Variants in TENM4 observed in about 807,000 individuals in gnomAD.
The protein encoded by TENM4 is teneurin transmembrane protein 4, also known as teneurin-4.
TENM4 carries 82 observed loss-of-function variants against 243.3 expected under a neutral mutation model. The observed-to-expected ratio is 0.34, with a 90% CI of 0.28 to 0.40. TENM4 has a LOEUF of 0.40. TENM4 is among the 10% of genes least tolerant of loss of function. The pLI, the probability that TENM4 is intolerant of heterozygous loss-of-function variation, is 1.00. For missense variants in TENM4, 3,138 were observed against 3,673.3 expected, an observed-to-expected ratio of 0.85 and a Z score of 3.77; for synonymous variants, 1,412 against 1,456.3, an observed-to-expected ratio of 0.97 and a Z score of 0.69.
intron 6 of TENM4, among the ~76,000 whole-genome samples, chr11:79,001,052 G>A (rs1441077382): frequency 6.6e-6 from 1 of 152,100 alleles, no homozygotes; most frequent in Admixed American, 6.6e-5. Flanking sequence ...AGTAGCAAAT[G>A]TAAATCCAAT....
intron 12 of TENM4, among the ~76,000 whole-genome samples, chr11:78,832,882 TC>T (rs767764117): frequency 2.6e-5 from 4 of 152,194 alleles, no homozygotes; most frequent in Non-Finnish European, 4.4e-5. Flanking sequence ...CACCACAGTA[TC>T]CTTAACTCGG....
At chr11:78,908,324 T>C (rs56995724) in intron 6 of TENM4, among the ~76,000 whole-genome samples, 5,087 of 152,328 alleles carry the variant, frequency 0.033, 247 homozygotes, top group African/African-American at 0.1. Context: ...AGGATTGTTA[T>C]GAGAATTAAA....
intron 3 of TENM4, among the ~76,000 whole-genome samples, chr11:79,178,629 C>A (rs555221316): frequency 1.3e-5 from 2 of 152,316 alleles, no homozygotes; most frequent in Non-Finnish European, 2.9e-5. Flanking sequence ...CTGCATATAG[C>A]AACATGCAGG....
chr11:79,025,607 G>A (rs991044752), intron 6 of TENM4, among the ~76,000 whole-genome samples: 1 of 152,162 alleles, frequency 6.6e-6, no homozygotes, highest in African/African-American at 2.4e-5. Flanking sequence ...TCTGGATGAG[G>A]AAACTGAGGT....
intron 29 of TENM4, 56 bp from the exon 30 acceptor site, chr11:78,676,443 T>C (rs1404241373): frequency 1.4e-5 from 21 of 1,463,460 alleles, no homozygotes; most frequent in Non-Finnish European, 1.9e-5. Flanking sequence ...GAGGGAGGTG[T>C]GAGGACAGCA....
intron 4 of TENM4, among the ~76,000 whole-genome samples, chr11:79,088,579 T>C (rs1247223273): frequency 6.6e-6 from 1 of 152,154 alleles, no homozygotes; most frequent in East Asian, 1.9e-4. Flanking sequence ...AATAGGGTTG[T>C]TGGGGGGACT....
chr11:78,849,750 C>T (rs1350631210), intron 12 of TENM4, among the ~76,000 whole-genome samples: 1 of 152,064 alleles, frequency 6.6e-6, no homozygotes, highest in African/African-American at 2.4e-5. Context: ...CAACCCTGAA[C>T]CTTAATTTAC....
chr11:78,666,401 T>C (rs138650815), intron 32 of TENM4, among the ~76,000 whole-genome samples: 3,207 of 152,342 alleles, frequency 0.021, 62 homozygotes, highest in Middle Eastern at 0.054. Flanking sequence ...CTTTTTCTTA[T>C]GGTGGGTTCC....
chr11:79,283,213 A>ACACAC (rs1555041346), intron 2 of TENM4, among the ~76,000 whole-genome samples: 4 of 135,932 alleles, frequency 2.9e-5, no homozygotes, highest in African/African-American at 1.1e-4. Flanking sequence ...CACACACACA[A>ACACAC]ACACACACAC....
chr11:79,095,936 C>G (rs1396743299), intron 4 of TENM4: 2 of 152,168 alleles, frequency 1.3e-5, no homozygotes, highest in Non-Finnish European at 2.9e-5. Context: ...CCTCTAACAG[C>G]AGGCCAGGCC....
intron 19 of TENM4, among the ~76,000 whole-genome samples, chr11:78,745,997 A>C (rs1235211402): frequency 2.0e-5 from 3 of 151,948 alleles, no homozygotes; most frequent in Non-Finnish European, 4.4e-5. Context: ...CTGTCGCCCC[A>C]GCTGGAGTGC....
rs990634948 is a variant in TENM4 at position 79,440,787 on chromosome 11, C to G, written c.-599G>C. The G allele has an allele frequency of 6.6e-6, 1 of 152,648 alleles. No individual in the cohort carries two copies. The highest frequency in any genetic ancestry group is 2.4e-5 in the African/African-American group (1 of 41,380). 9.5% of individuals were successfully genotyped at this position (152,648 alleles called of 1,614,324 possible). A position where few individuals can be genotyped will look rare whatever the true frequency, so the allele number is the denominator to read the frequency against. ...CCGGCCGGCGTCCCTGCCAGCACTG[C>G]TGCCCCACATGAAACAGCTGCAATC... On this transcript the variant is annotated 5_prime_UTR_variant, in exon 1 of 34. Coordinates refer to ENST00000278550, the MANE Select transcript of TENM4 (RefSeq NM_001098816.3). This position sits in a 1 kb window ranked among gnomAD's most constrained non-coding sequence, Gnocchi z 4.7.
chr11:79,248,552 C>T (rs1855558476), intron 2 of TENM4, among the ~76,000 whole-genome samples: 2 of 152,112 alleles, frequency 1.3e-5, no homozygotes, highest in Admixed American at 1.3e-4. Context: ...GCACATCTTC[C>T]CAAGGATTCA....
chr11:78,818,394 T>G (rs1857654639), intron 12 of TENM4, among the ~76,000 whole-genome samples: 1 of 152,238 alleles, frequency 6.6e-6, no homozygotes, highest in Non-Finnish European at 1.5e-5. Flanking sequence ...AGTGTAGTGT[T>G]GGTTGCTAAA....
intron 4 of TENM4, among the ~76,000 whole-genome samples, chr11:79,072,866 CATATTA>C (rs1860451374): frequency 6.6e-6 from 1 of 152,102 alleles, no homozygotes; most frequent in Non-Finnish European, 1.5e-5. Flanking sequence ...ACTAATAACT[CATATTA>C]ATAACTCATA....
chr11:79,220,592 G>A (rs1170192690), intron 2 of TENM4, among the ~76,000 whole-genome samples: 3 of 152,188 alleles, frequency 2.0e-5, no homozygotes, highest in East Asian at 1.9e-4. Flanking sequence ...TTCTCAGGGA[G>A]GTAGCTTTCC....
At chr11:79,074,751 C>G (rs1347581564) in intron 4 of TENM4, among the ~76,000 whole-genome samples, 1 of 152,150 alleles carries the variant, frequency 6.6e-6, no homozygotes, top group African/African-American at 2.4e-5. Flanking sequence ...AGGTGAGAGG[C>G]CAGAGTGTGT....
At chr11:78,931,561 C>T (rs1365483837) in intron 6 of TENM4, among the ~76,000 whole-genome samples, 2 of 152,228 alleles carry the variant, frequency 1.3e-5, no homozygotes, top group African/African-American at 2.4e-5. Context: ...CCTTTATCAG[C>T]ATCCACTGGC....
intron 4 of TENM4, among the ~76,000 whole-genome samples, chr11:79,107,049 T>A (rs1861388345): frequency 6.6e-6 from 1 of 152,106 alleles, no homozygotes; most frequent in African/African-American, 2.4e-5. Flanking sequence ...ATCAGTACAA[T>A]CCTAGGAGGA....
Sources: allele counts gnomAD v4.1 joint callset (sites outside exome capture counted in the v4.1 genomes callset), GRCh38; gene constraint gnomAD v4.1.1; non-coding constraint Gnocchi (gnomAD v3.1); transcripts MANE v1.5; gene names NCBI Gene and HGNC (gene_info 2026-07-23, HGNC 2026-07-21).